Variants in WDR11 observed in about 807,000 individuals in gnomAD.
WDR11 encodes WD repeat-containing protein 11.
In WDR11, 83 loss-of-function variants were observed where a neutral mutation model predicts 151.2. The observed-to-expected ratio is 0.55, with a 90% CI of 0.46 to 0.66. WDR11 has a LOEUF of 0.66. Among genes scored for constraint, WDR11 ranks in the 30% least tolerant of loss-of-function variants. WDR11 has a pLI of 0.00. For missense variants in WDR11, 1,301 were observed against 1,480.9 expected (o/e 0.88, Z 1.99); for synonymous variants, 484 against 533.1 (o/e 0.91, Z 1.27).
chr10:120,885,128 G>A (rs1304457550), intron 14 of WDR11: 1 of 152,286 alleles, frequency 6.6e-6, no homozygotes, highest in Non-Finnish European at 1.5e-5. Flanking sequence ...GTCATGATGT[G>A]AGTTTGGAGA....
intron 1 of WDR11, chr10:120,852,308 T>G: frequency 1.9e-6 from 1 of 521,882 alleles, no homozygotes; most frequent in Non-Finnish European, 3.4e-6. Flanking sequence ...TTTTAGAACT[T>G]TTTTTATCCG....
At position 120,908,903 on chromosome 10, in the gene WDR11, T is replaced by G; in HGVS notation, c.*190T>G. On this transcript the variant is annotated 3_prime_UTR_variant, in exon 29 of 29. Transcript: ENST00000263461. ...GTTGAGAGTAAGTTTGTATCCTGCG[T>G]TGGTCTCAGAAAGAACGTGAATGCT... 1.6e-6 allele frequency: 1 copy of G among 638,548 alleles called. No homozygotes were observed. Among genetic ancestry groups the G allele is most frequent in the Non-Finnish European group, 2.8e-6 (1 of 362,586 alleles). 39.6% of individuals were successfully genotyped at this position (638,548 alleles called of 1,614,324 possible). A position where few individuals can be genotyped will look rare whatever the true frequency, so the allele number is the denominator to read the frequency against.
intron 27 of WDR11, 54 bp from the exon 28 acceptor site, chr10:120,906,722 C>G: frequency 6.2e-7 from 1 of 1,613,676 alleles, no homozygotes; most frequent in Non-Finnish European, 8.5e-7. Context: ...GATGCTGCTG[C>G]CCACCAGTGA....
intron 26 of WDR11, chr10:120,905,625 T>C: frequency 1.3e-6 from 1 of 790,946 alleles, no homozygotes; most frequent in Non-Finnish European, 2.0e-6. Context: ...AGCAATTAAG[T>C]AAAAGCAGCT....
intron 19 of WDR11, among the ~76,000 whole-genome samples, chr10:120,893,985 A>G (rs1449971811): frequency 6.6e-6 from 1 of 151,832 alleles, no homozygotes; most frequent in Non-Finnish European, 1.5e-5. Context: ...CTCTGATGGT[A>G]GTTTCTTTTG....
rs1176205104 is a variant in WDR11 at position 120,906,776 on chromosome 10, C to T, written c.3438C>T (p.Ser1146=). ...CFFSVAETLH[S]MRYFDRAALF... is the part of the protein sequence containing the mutation. ...ACTCTTGTTTTGTTCTGTTGAGCAGCATGAGATACTTTGATAGAGCAGCCT... is the reference window on the plus strand; with the variant it reads ...ACTCTTGTTTTGTTCTGTTGAGCAGTATGAGATACTTTGATAGAGCAGCCT... Residue 1146 remains serine (S), a splice_region_variant and synonymous_variant, in exon 28 of 29, where the codon AGC becomes AGT. Coordinates refer to ENST00000263461, the MANE Select transcript of WDR11 (RefSeq NM_018117.12). The T allele has an allele frequency of 6.2e-7, 1 of 1,614,048 alleles. No individual in the cohort carries two copies. Among genetic ancestry groups the T allele is most frequent in the East Asian group, 2.2e-5 (1 of 44,888 alleles).
At chr10:120,908,437 A>T (rs1356331516) in intron 28 of WDR11, 119 bp from the exon 29 acceptor site, 1 of 1,054,430 alleles carries the variant, frequency 9.5e-7, no homozygotes, top group Non-Finnish European at 1.5e-6. Flanking sequence ...CGCTGTGGAC[A>T]CCAGGTCCCT....
At chr10:120,898,381 T>C (rs182091269) in intron 19 of WDR11, among the ~76,000 whole-genome samples, 1 of 152,352 alleles carries the variant, frequency 6.6e-6, no homozygotes, top group Admixed American at 6.5e-5. Flanking sequence ...TTAAAAGTTA[T>C]CCAATGACTG....
At chr10:120,851,705 A>T in intron 1 of WDR11, 199 bp downstream of exon 1, 1 of 635,604 alleles carries the variant, frequency 1.6e-6, no homozygotes, top group South Asian at 1.9e-5. Context: ...AAATTCCCCC[A>T]TGCAAATACA....
intron 12 of WDR11, chr10:120,879,654 AT>A (rs1846927962): frequency 6.6e-6 from 1 of 152,250 alleles, no homozygotes; most frequent in Non-Finnish European, 1.5e-5. Context: ...ATTTGAGTTC[AT>A]AGATGGTAGA....
intron 24 of WDR11, 145 bp from the exon 25 acceptor site, chr10:120,904,501 G>C: frequency 3.9e-6 from 4 of 1,035,408 alleles, no homozygotes; most frequent in South Asian, 1.5e-5. Context: ...TAGCACCTCT[G>C]TTTAATGTTT....
At chr10:120,906,899 C>T in intron 28 of WDR11, 44 bp downstream of exon 28, 1 of 1,613,798 alleles carries the variant, frequency 6.2e-7, no homozygotes, top group Non-Finnish European at 8.5e-7. Flanking sequence ...AAGAAAGTGA[C>T]ATGCATGGGT....
intron 28 of WDR11, chr10:120,908,262 G>A: frequency 2.6e-6 from 1 of 391,342 alleles, no homozygotes; most frequent in Non-Finnish European, 4.6e-6. Context: ...CCAATCTTCA[G>A]TTGAGTGTAG....
chr10:120,890,598 T>G (rs1190954139), intron 18 of WDR11, 118 bp from the exon 19 acceptor site: 56 of 1,150,398 alleles, frequency 4.9e-5, no homozygotes, highest in Non-Finnish European at 1.3e-6. Flanking sequence ...CCAGAGGCTG[T>G]TCAGTTCTAA....
intron 28 of WDR11, chr10:120,908,243 A>G: frequency 2.7e-6 from 1 of 372,546 alleles, no homozygotes; most frequent in South Asian, 2.5e-5. Flanking sequence ...CTCTCTTATC[A>G]TTCATCTTCC....
rs202173443 is a variant in WDR11 at position 120,880,843 on chromosome 10, C to T, written c.1681C>T (p.Arg561Cys). The T allele has an allele frequency of 1.2e-6, 2 of 1,604,750 alleles. No homozygotes were observed. Among genetic ancestry groups the T allele is most frequent in the African/African-American group, 1.3e-5 (1 of 74,838 alleles). ...AATTAAAGGTAGGAGCATTGCTTTT[C>T]GTGGTGAAAGAGGCAATGATGAATC... ...DLPTGRSIAF[R>C]GERGNDESAI... Residue 561 changes from arginine to cysteine, a missense_variant, in exon 13 of 29, where the codon CGT (arginine) becomes TGT (cysteine). Around this residue, in one of 3 missense-constraint regions of WDR11, gnomAD observed 692 missense variants for 762.5 expected, o/e 0.91. Transcript: ENST00000263461.
intron 28 of WDR11, chr10:120,907,502 C>A (rs994189944): frequency 7.2e-5 from 11 of 153,258 alleles, no homozygotes; most frequent in Admixed American, 6.5e-5. Context: ...TGCTGCTGCT[C>A]ACTGCACTTT....
At position 120,906,406 on chromosome 10, in the gene WDR11, C is replaced by A; in HGVS notation, c.3438-370C>A. ...CCCGTCTGAAAATCTGGAAGAGGAA[C>A]AACCATCACTAATTGTGGAGCATTT... On this transcript the variant is annotated intron_variant, in intron 27 of 28. Transcript: ENST00000263461. The A allele has an allele frequency of 3.2e-6, 4 of 1,244,844 alleles. No individual in the cohort carries two copies. The East Asian group carries it at 1.4e-4, about 42-fold the overall frequency. The allele number at this position is 1,244,844 out of a possible 1,614,324, so 77.1% of individuals were successfully genotyped here.
chr10:120,856,436 G>A (rs1182409772), intron 2 of WDR11, among the ~76,000 whole-genome samples: 2 of 151,894 alleles, frequency 1.3e-5, no homozygotes, highest in South Asian at 2.1e-4. Context: ...TTAGCCAGGC[G>A]TGGTGGTACA....
Sources: gnomAD v4.1 joint callset for allele counts (sites outside exome capture counted in the v4.1 genomes callset) on GRCh38, gnomAD v4.1.1 for gene constraint, gnomAD v4.1.1 regional missense constraint, MANE v1.5 for transcripts, NCBI Gene and HGNC (gene_info 2026-07-23, HGNC 2026-07-21) for gene names.